The following KAT2B variants were observed in gnomAD, a reference collection of about 807,000 sequenced individuals.
KAT2B encodes the protein histone acetyltransferase KAT2B.
A neutral mutation model predicts 105.9 loss-of-function variants in KAT2B; 36 were observed. The observed-to-expected ratio is 0.34, with a 90% confidence interval of 0.26 to 0.45. KAT2B has a LOEUF of 0.45. Ranked by LOEUF, KAT2B falls within the 20% of genes least tolerant of loss-of-function variation. The pLI is 1.00. For missense variants in KAT2B, 820 were observed against 1,021.6 expected, an observed-to-expected ratio of 0.80 and a Z score of 2.69; for synonymous variants, 397 against 377.9, an observed-to-expected ratio of 1.05 and a Z score of -0.59.
intron 17 of KAT2B, chr3:20,148,918 G>C (rs1868): frequency 0.8 from 125,329 of 157,580 alleles, 50,526 homozygotes; most frequent in East Asian, 0.97. Flanking sequence ...TTAGATTAAA[G>C]TACTTGACTG....
At chr3:20,071,733 G>A (rs140304073) in intron 1 of KAT2B, among the ~76,000 whole-genome samples, 31 of 152,294 alleles carry the variant, frequency 2.0e-4, no homozygotes, top group African/African-American at 6.5e-4. Flanking sequence ...GGAAATGTAC[G>A]TGTAAGTAGA....
At chr3:20,120,666 G>C in intron 8 of KAT2B, among the ~76,000 whole-genome samples, 1 of 151,358 alleles carries the variant, frequency 6.6e-6, no homozygotes, top group East Asian at 2.0e-4. Flanking sequence ...TAGATACCAG[G>C]AGGGTAAAGA....
At chr3:20,079,674 G>A (rs1031844291) in intron 2 of KAT2B, among the ~76,000 whole-genome samples, 1 of 152,016 alleles carries the variant, frequency 6.6e-6, no homozygotes, top group South Asian at 2.1e-4. Context: ...TTGATCATAC[G>A]ACATTTGCAT....
intron 2 of KAT2B, among the ~76,000 whole-genome samples, chr3:20,074,866 A>AC (rs749500189): frequency 1.3e-5 from 2 of 152,176 alleles, no homozygotes; most frequent in Non-Finnish European, 2.9e-5. Context: ...TCTGAAGTTT[A>AC]CCCCAAGGGA....
intron 1 of KAT2B, among the ~76,000 whole-genome samples, chr3:20,062,610 C>T (rs1204098238): frequency 2.7e-5 from 4 of 150,794 alleles, no homozygotes; most frequent in South Asian, 2.1e-4. Flanking sequence ...TACAGGCATG[C>T]GCCGCCACGC....
At chr3:20,060,055 G>A (rs1467897984) in intron 1 of KAT2B, among the ~76,000 whole-genome samples, 1 of 152,206 alleles carries the variant, frequency 6.6e-6, no homozygotes, top group Non-Finnish European at 1.5e-5. Flanking sequence ...TGTAGCATAT[G>A]TCAGCACTTC....
rs575964563 is a variant in KAT2B at position 20,151,620 on chromosome 3, T to C, written c.2306-712T>C. 3.0e-4 allele frequency among the ~76,000 whole-genome samples: 46 copies of C among 152,304 alleles called. No individual in the cohort carries two copies. The South Asian group carries it at 6.0e-3, about 20-fold the overall frequency. On this transcript the variant is annotated intron_variant, in intron 17 of 17. Transcript: ENST00000263754. ...CTGACAGTGAGGATTGAAGAAACCC[T>C]ACTTTAGTTTTATCAGTTTAGATGG...
intron 5 of KAT2B, among the ~76,000 whole-genome samples, chr3:20,111,366 T>A (rs1699117806): frequency 6.6e-6 from 1 of 152,194 alleles, no homozygotes; most frequent in Admixed American, 6.5e-5. Context: ...GGACTCACTG[T>A]ATGATGCTGC....
chr3:20,121,778 G>T (rs990740655), intron 8 of KAT2B, among the ~76,000 whole-genome samples: 7 of 138,864 alleles, frequency 5.0e-5, no homozygotes, highest in South Asian at 4.6e-4. Context: ...GTGTGTGTGT[G>T]TGTGTATAGC....
chr3:20,076,505 T>G (rs1204675982), intron 2 of KAT2B, among the ~76,000 whole-genome samples: 1 of 152,228 alleles, frequency 6.6e-6, no homozygotes, highest in Non-Finnish European at 1.5e-5. Flanking sequence ...GAGATTACTC[T>G]TCCTTCCTCC....
chr3:20,140,310 A>G lies in KAT2B; in HGVS notation c.1950A>G (p.Leu650=), dbSNP rs1240624535. Residue 650 remains leucine, a synonymous_variant, in exon 13 of 18, where the codon CTA becomes CTG. Coordinates refer to ENST00000263754, the MANE Select transcript of KAT2B (RefSeq NM_003884.5). ...GAGCCACTTTAATGGGATGTGAGCT[A>G]AATCCACGGATCCCGTACACAGAAT... ...YEGATLMGCE[L]NPRIPYTEFS... is the part of the protein sequence containing the mutation. 5.0e-6 allele frequency: 8 copies of G among 1,613,502 alleles called. No individual in the cohort carries two copies. The highest frequency in any genetic ancestry group is 6.8e-6 in the Non-Finnish European group (8 of 1,179,576).
At chr3:20,069,362 T>G (rs7637059) in intron 1 of KAT2B, among the ~76,000 whole-genome samples, 18,987 of 152,010 alleles carry the variant, frequency 0.12, 1,703 homozygotes, top group African/African-American at 0.25. Context: ...GTTATGTAGA[T>G]TCCCCTGGTA....
At chr3:20,062,324 TTA>T (rs1559514618) in intron 1 of KAT2B, among the ~76,000 whole-genome samples, 1 of 62,996 alleles carries the variant, frequency 1.6e-5, no homozygotes, top group Non-Finnish European at 3.4e-5. Context: ...TATAAAATAT[TTA>T]TTATGTATAA....
At chr3:20,130,914 GTGCA>G (rs1410525967) in intron 11 of KAT2B, among the ~76,000 whole-genome samples, 2 of 151,082 alleles carry the variant, frequency 1.3e-5, no homozygotes, top group East Asian at 1.9e-4. Flanking sequence ...GTGTGTGTGT[GTGCA>G]TGCGTGCGTG....
At chr3:20,061,204 C>T (rs1360553868) in intron 1 of KAT2B, among the ~76,000 whole-genome samples, 1 of 152,162 alleles carries the variant, frequency 6.6e-6, no homozygotes, top group Non-Finnish European at 1.5e-5. Flanking sequence ...CTACCATAGA[C>T]ACCTTATCTA....
intron 1 of KAT2B, among the ~76,000 whole-genome samples, chr3:20,070,454 G>A (rs1386489803): frequency 6.6e-6 from 1 of 151,176 alleles, no homozygotes; most frequent in Non-Finnish European, 1.5e-5. Flanking sequence ...ACAGGCGCCT[G>A]CCACCACGCC....
At chr3:20,051,764 T>C (rs1697919686) in intron 1 of KAT2B, among the ~76,000 whole-genome samples, 1 of 152,236 alleles carries the variant, frequency 6.6e-6, no homozygotes, top group African/African-American at 2.4e-5. Context: ...ATTGAATATA[T>C]GATGAGCTCG....
Position 20,072,337 on chromosome 3 carries a change from A to G in KAT2B, c.308A>G (p.Glu103Gly). The G allele has an allele frequency of 6.2e-7, 1 of 1,613,628 alleles. No homozygotes were observed. Among genetic ancestry groups the G allele is most frequent in the African/African-American group, 1.3e-5 (1 of 74,986 alleles). The change falls in exon 2 of 18, where the codon GAG (glutamate) becomes GGG (glycine). Residue 103 changes from glutamate to glycine, a missense_variant. Around this residue, in one of 6 missense-constraint regions of KAT2B, gnomAD observed 190 missense variants for 176.7 expected, o/e 1.08. Coordinates refer to ENST00000263754, the MANE Select transcript of KAT2B (RefSeq NM_003884.5). ...KLGVYSACKA[E>G]ESCKCNGWKN... ...CTTTCTTTATTCCATTTTTAGGCCG[A>G]GGAGTCTTGTAAATGTAATGGCTGG...
rs750686672 is a variant in KAT2B at position 20,095,258 on chromosome 3, A to G, written c.431-5A>G. 5.0e-6 allele frequency: 8 copies of G among 1,610,074 alleles called. No homozygotes were observed. Among genetic ancestry groups the G allele is most frequent in the South Asian group, 1.1e-5 (1 of 90,310 alleles). Reference sequence around the variant, plus strand: ...TTACATATGTTTCTTTGATCTTATCATAAGCTGCTCATGTTTCCCACCTGG... The same window carrying G: ...TTACATATGTTTCTTTGATCTTATCGTAAGCTGCTCATGTTTCCCACCTGG... On this transcript the variant is annotated splice_polypyrimidine_tract_variant and splice_region_variant and intron_variant, in intron 2 of 17. Coordinates refer to ENST00000263754, the MANE Select transcript of KAT2B (RefSeq NM_003884.5).
Sources: gnomAD v4.1 joint callset for allele counts (sites outside exome capture counted in the v4.1 genomes callset) on GRCh38, gnomAD v4.1.1 for gene constraint, gnomAD v4.1.1 regional missense constraint, MANE v1.5 for transcripts, NCBI Gene and HGNC (gene_info 2026-07-23, HGNC 2026-07-21) for gene names.